Variants in STX7 observed in about 807,000 individuals in gnomAD.
The protein encoded by STX7 is syntaxin-7.
A neutral mutation model predicts 39.6 loss-of-function variants in STX7; 34 were observed. The ratio of observed to expected loss-of-function variants is 0.86; its 90% CI spans 0.65 to 1.14. The LOEUF (loss-of-function observed/expected upper bound fraction) is 1.14, where lower values mean the gene tolerates loss of function less well. Ranked by LOEUF, STX7 falls within the 50% of genes most tolerant of loss-of-function variation. The probability of loss-of-function intolerance (pLI) is 0.00; values close to 1 mark genes in which losing one functional copy is unlikely to be tolerated. For missense variants in STX7, 284 were observed against 310.4 expected (o/e 0.92, Z 0.64); for synonymous variants, 119 against 99.1 (o/e 1.20, Z -1.19).
intron 2 of STX7, among the ~76,000 whole-genome samples, chr6:132,492,335 C>T (rs1775311402): frequency 6.6e-6 from 1 of 152,248 alleles, no homozygotes; most frequent in South Asian, 2.1e-4. Context: ...CTCTCCAGCA[C>T]ATGCCGGTAT....
chr6:132,513,325 G>T (rs1470134695), upstream of STX7: 1 of 152,278 alleles, frequency 6.6e-6, no homozygotes, highest in Non-Finnish European at 1.5e-5. Flanking sequence ...ACAGAATGGA[G>T]GACAGTTGTC....
chr6:132,509,464 T>A (rs1318818075), intron 1 of STX7, among the ~76,000 whole-genome samples: 93 of 4,798 alleles, frequency 0.019, no homozygotes, highest in Admixed American at 0.088. Flanking sequence ...TAACATAACA[T>A]AACATAACAT....
chr6:132,490,218 C>T (rs983448835), intron 2 of STX7, among the ~76,000 whole-genome samples: 1 of 152,190 alleles, frequency 6.6e-6, no homozygotes, highest in Admixed American at 6.5e-5. Context: ...TCATGATGAG[C>T]TTCCTTCCTG....
rs1486758997 is a variant in STX7, at chr6:132,450,132, T to C, written c.*10626A>G. The C allele has an allele frequency of 1.3e-5, 2 of 152,210 alleles. No individual in the cohort carries two copies. The highest frequency in any genetic ancestry group is 1.9e-4 in the East Asian group (1 of 5,192). The allele number at this position is 152,210 out of a possible 1,614,324, so 9.4% of individuals were successfully genotyped here. ...AATTTTAGCCCACTCTCATTGGTAA[T>C]AGCCTTTAGTGATTATCTTTCTTTC... On this transcript the variant is annotated 3_prime_UTR_variant, in exon 10 of 10. Transcript: ENST00000367941.
At chr6:132,511,561 C>T (rs1046271963) in intron 1 of STX7, among the ~76,000 whole-genome samples, 4 of 152,186 alleles carry the variant, frequency 2.6e-5, no homozygotes, top group African/African-American at 9.7e-5. Context: ...AGAGAGATGA[C>T]CTTGTCATCC....
chr6:132,510,765 G>C (rs9493344), intron 1 of STX7, among the ~76,000 whole-genome samples: 8,556 of 152,146 alleles, frequency 0.056, 286 homozygotes, highest in East Asian at 0.16. Flanking sequence ...ACACTATAAA[G>C]AGAAAAACAG....
In STX7 at chr6:132,455,995, GATTCCAA is replaced by G. The variant is rs547095629; in HGVS notation, c.*4756_*4762del. 1.3e-5 allele frequency: 2 copies of G among 152,142 alleles called. No homozygotes were observed. The highest frequency in any genetic ancestry group is 2.9e-5 in the Non-Finnish European group (2 of 68,030). The allele number at this position is 152,142 out of a possible 1,614,324, so 9.4% of individuals were successfully genotyped here. A position where few individuals can be genotyped will look rare whatever the true frequency, so the allele number is the denominator to read the frequency against. On this transcript the variant is annotated 3_prime_UTR_variant, in exon 10 of 10. Transcript: ENST00000367941. Reference sequence around the variant, plus strand: ...TTTGAGTGCATTCTGATGAAATATAGATTCCAAATTCCCCTTGGATCTCACCCTTCTG... The same window carrying G: ...TTTGAGTGCATTCTGATGAAATATAGATTCCCCTTGGATCTCACCCTTCTG...
chr6:132,509,465 A>AAATAAAATAAAAT (rs1775788016), intron 1 of STX7, among the ~76,000 whole-genome samples: 1 of 8,532 alleles, frequency 1.2e-4, no homozygotes, highest in African/African-American at 1.8e-4. Flanking sequence ...AACATAACAT[A>AAATAAAATAAAAT]ACATAACATA....
At position 132,456,716 on chromosome 6, in the gene STX7, CT is replaced by C. The variant is rs1485782666; in HGVS notation, c.*4041del. The C allele has an allele frequency of 6.6e-6, 1 of 152,228 alleles. No homozygotes were observed. Among genetic ancestry groups the C allele is most frequent in the African/African-American group, 2.4e-5 (1 of 41,464 alleles). 9.4% of individuals were successfully genotyped at this position (152,228 alleles called of 1,614,324 possible). ...AATGAAAGTGAGGAAAATTCTGAGG[CT>C]TCCACTTCACGTGGTTTGAACTGTA... On this transcript the variant is annotated 3_prime_UTR_variant, in exon 10 of 10. Coordinates refer to ENST00000367941, the MANE Select transcript of STX7 (RefSeq NM_003569.3).
At chr6:132,509,452 A>AATAAC (rs199798662) in intron 1 of STX7, among the ~76,000 whole-genome samples, 607 of 9,912 alleles carry the variant, frequency 0.061, 8 homozygotes, top group Admixed American at 0.1. Flanking sequence ...CTCGTCTCAA[A>AATAAC]ATAACATAAC....
rs748568386 is a variant in STX7, at chr6:132,471,606, G to A, written c.250-6C>T. The A allele has an allele frequency of 6.2e-7, 1 of 1,605,876 alleles. No homozygotes were observed. The highest frequency in any genetic ancestry group is 8.5e-7 in the Non-Finnish European group (1 of 1,177,698). On this transcript the variant is annotated splice_region_variant and splice_polypyrimidine_tract_variant and intron_variant, in intron 4 of 9. Coordinates refer to ENST00000367941, the MANE Select transcript of STX7 (RefSeq NM_003569.3). ...TTCTGTATTTTCCTTTGACGCTAGA[G>A]GAAAGAGAAGAAAAAGCCAACTAGA...
chr6:132,490,889 CAGGGATGGA>C (rs1775263230), intron 2 of STX7, among the ~76,000 whole-genome samples: 1 of 152,026 alleles, frequency 6.6e-6, no homozygotes, highest in Admixed American at 6.6e-5. Context: ...GGGATGACAT[CAGGGATGGA>C]GCGGGAAGCC....
intron 1 of STX7, 92 bp downstream of exon 1, chr6:132,512,914 AC>A (rs1369716668): frequency 2.6e-5 from 4 of 152,176 alleles, no homozygotes; most frequent in African/African-American, 9.7e-5. Flanking sequence ...CGGCCACCTG[AC>A]CACGCGCACA....
intron 2 of STX7, among the ~76,000 whole-genome samples, chr6:132,497,210 A>G (rs940177285): frequency 2.6e-5 from 4 of 152,198 alleles, no homozygotes; most frequent in Non-Finnish European, 5.9e-5. Flanking sequence ...GAATAAATAA[A>G]TTGTAGTATG....
intron 2 of STX7, among the ~76,000 whole-genome samples, chr6:132,484,440 A>G (rs559198366): frequency 1.3e-5 from 2 of 152,320 alleles, no homozygotes; most frequent in Admixed American, 6.5e-5. Flanking sequence ...CTATTAATAC[A>G]TAATGTTACC....
intron 2 of STX7, among the ~76,000 whole-genome samples, chr6:132,480,072 G>A (rs942108292): frequency 2.6e-5 from 4 of 151,852 alleles, no homozygotes; most frequent in African/African-American, 4.8e-5. Flanking sequence ...CCTGTGGCCC[G>A]TCCCCACTCC....
At position 132,460,560 on chromosome 6, in the gene STX7, C is replaced by G. The variant is rs1164529603; in HGVS notation, c.*198G>C. On this transcript the variant is annotated 3_prime_UTR_variant, in exon 10 of 10. Transcript: ENST00000367941. ...ACCAAGGGAGTTATGTCAGCAGTGACATTTAGAAAATCTTTCAGTATTAGA... is the reference window on the plus strand; with the variant it reads ...ACCAAGGGAGTTATGTCAGCAGTGAGATTTAGAAAATCTTTCAGTATTAGA... The G allele has an allele frequency of 4.8e-6, 2 of 417,006 alleles. No homozygotes were observed. Among genetic ancestry groups the G allele is most frequent in the Non-Finnish European group, 8.4e-6 (2 of 237,124 alleles). 25.8% of individuals were successfully genotyped at this position (417,006 alleles called of 1,614,324 possible).
In STX7 at chr6:132,458,053, G is replaced by A. The variant is rs1280962683; in HGVS notation, c.*2705C>T. On this transcript the variant is annotated 3_prime_UTR_variant, in exon 10 of 10. Transcript: ENST00000367941. The stretch of plus-strand genomic sequence containing the variant: ...ACCACAGATGTATTTCATGGAAAGA[G>A]GGGCCTTTAAAGGCACTTATTTATC... The A allele has an allele frequency of 1.3e-5, 2 of 152,168 alleles. No individual in the cohort carries two copies. The highest frequency in any genetic ancestry group is 4.8e-5 in the African/African-American group (2 of 41,444). 9.4% of individuals were successfully genotyped at this position (152,168 alleles called of 1,614,324 possible).
chr6:132,484,743 A>G (rs371903855), intron 2 of STX7, among the ~76,000 whole-genome samples: 101 of 152,318 alleles, frequency 6.6e-4, no homozygotes, highest in African/African-American at 2.4e-3. Flanking sequence ...AAGAAGTACA[A>G]TTGAAGGCTG....
Sources: allele counts gnomAD v4.1 joint callset (sites outside exome capture counted in the v4.1 genomes callset), GRCh38; gene constraint gnomAD v4.1.1; transcripts MANE v1.5; gene names NCBI Gene and HGNC (gene_info 2026-07-23, HGNC 2026-07-21).